Variants in TAB2 observed in about 807,000 individuals in gnomAD.
TAB2 encodes TGF-beta-activated kinase 1 and MAP3K7-binding protein 2.
TAB2 carries 3 observed loss-of-function variants against 65.0 expected under a neutral mutation model. The observed-to-expected ratio is 0.05, with a 90% CI of 0.02 to 0.12. The LOEUF is 0.12. Among genes scored for constraint, TAB2 ranks in the 10% least tolerant of loss-of-function variants. TAB2 has a pLI of 1.00. For missense variants in TAB2, 623 were observed against 840.3 expected (o/e 0.74, Z 3.20); for synonymous variants, 298 against 285.1 (o/e 1.05, Z -0.46).
At chr6:149,363,476 T>C (rs1348938865) in intron 1 of TAB2, among the ~76,000 whole-genome samples, 1 of 152,170 alleles carries the variant, frequency 6.6e-6, no homozygotes, top group Non-Finnish European at 1.5e-5. Context: ...TTAAACTGTT[T>C]ACATGTTTTC....
rs574373908 is a variant in TAB2 at position 149,341,140 on chromosome 6, GTGT to G, written c.-90+23128_-90+23130del. ...TATATATAACTTTTTAACAAGAGAT[GTGT>G]TGACAGAAGTATTTTATACTTTACT... is the stretch of plus-strand genomic sequence containing the variant. On this transcript the variant is annotated intron_variant, in intron 1 of 6. Transcript: ENST00000637181. 2.0e-3 allele frequency among the ~76,000 whole-genome samples: 301 copies of G among 152,168 alleles called. 2 individuals carry two copies. Among genetic ancestry groups the G allele is most frequent in the African/African-American group, 6.9e-3 (287 of 41,546 alleles).
chr6:149,378,618 T>A lies in TAB2; in HGVS notation c.703T>A (p.Trp235Arg), dbSNP rs1431545545. ...TTRQTQQHSGWVSQFNPMNPQ... is the reference protein window; with the variant it reads ...TTRQTQQHSGRVSQFNPMNPQ... ...TCGACAGACACAACAGCATTCTGGC[T>A]GGGTATCTCAGTTTAATCCCATGAA... is the stretch of plus-strand genomic sequence containing the variant. Residue 235 changes from tryptophan to arginine, a missense_variant, in exon 3 of 7, where the codon TGG (tryptophan) becomes AGG (arginine). This residue lies in a region of TAB2 where 550 missense variants were observed against 665.7 expected (regional missense o/e 0.83). Transcript: ENST00000637181. The A allele has an allele frequency of 6.2e-7, 1 of 1,613,462 alleles. No homozygotes were observed. Among genetic ancestry groups the A allele is most frequent in the Admixed American group, 1.7e-5 (1 of 60,024 alleles).
intron 1 of TAB2, among the ~76,000 whole-genome samples, chr6:149,226,572 T>A (rs1270733824): frequency 3.3e-5 from 5 of 152,234 alleles, no homozygotes; most frequent in Non-Finnish European, 7.3e-5. Context: ...AACTGTTTTA[T>A]CTTAACTGAG....
chr6:149,230,654 A>G (rs1777385004), intron 1 of TAB2, among the ~76,000 whole-genome samples: 1 of 152,190 alleles, frequency 6.6e-6, no homozygotes. Flanking sequence ...CTTGATAATA[A>G]GCTCATTGAC....
At chr6:149,279,569 G>C (rs1002309508) in intron 1 of TAB2, among the ~76,000 whole-genome samples, 3 of 152,178 alleles carry the variant, frequency 2.0e-5, no homozygotes, top group Non-Finnish European at 2.9e-5. Flanking sequence ...GGCATCTAGA[G>C]GGTGGAGACC....
intron 1 of TAB2, among the ~76,000 whole-genome samples, chr6:149,263,980 C>G (rs2114669694): frequency 6.6e-6 from 1 of 152,314 alleles, no homozygotes; most frequent in South Asian, 2.1e-4. Context: ...CCTGCCAGCT[C>G]CCAGGGAGGA....
intron 6 of TAB2, among the ~76,000 whole-genome samples, chr6:149,408,074 A>C (rs1396173982): frequency 6.6e-6 from 1 of 152,186 alleles, no homozygotes; most frequent in Non-Finnish European, 1.5e-5. Context: ...AGTAAGTAGG[A>C]TGGATCCCCA....
At chr6:149,281,363 C>T (rs1329179559) in intron 1 of TAB2, among the ~76,000 whole-genome samples, 1 of 151,858 alleles carries the variant, frequency 6.6e-6, no homozygotes, top group African/African-American at 2.4e-5. Flanking sequence ...AAAGCAACCA[C>T]TATAATAACA....
At chr6:149,369,841 T>A in intron 1 of TAB2, 68 bp from the exon 2 acceptor site, 1 of 658,498 alleles carries the variant, frequency 1.5e-6, no homozygotes, top group Non-Finnish European at 2.7e-6. Flanking sequence ...TGTACTGAAA[T>A]TTTAAATCCA....
rs1779300851 is a variant in TAB2 at position 149,317,834 on chromosome 6, A to AGCGGGGAGGGAGG, written c.-270_-269insCGGGGAGGGAGGG. Reference sequence around the variant, plus strand: ...GGAGTTGGCGGCGGCGGGCGAGCGGAGGGGGCTGAGCGGGGAGGGAGGGAG... The same window carrying AGCGGGGAGGGAGG: ...GGAGTTGGCGGCGGCGGGCGAGCGGAGCGGGGAGGGAGGGGGGGCTGAGCGGGGAGGGAGGGAG... On this transcript the variant is annotated 5_prime_UTR_variant, in exon 1 of 7. Transcript: ENST00000637181. The surrounding 1 kb of genome is among the most constrained non-coding windows in gnomAD (Gnocchi z 4.7). 1 of 153,666 alleles carries AGCGGGGAGGGAGG rather than the reference A, an allele frequency of 6.5e-6. No homozygotes were observed. Among genetic ancestry groups the AGCGGGGAGGGAGG allele is most frequent in the African/African-American group, 2.6e-5 (1 of 38,428 alleles). The allele number at this position is 153,666 out of a possible 1,614,324, so 9.5% of individuals were successfully genotyped here. A position where few individuals can be genotyped will look rare whatever the true frequency, so the allele number is the denominator to read the frequency against.
intron 1 of TAB2, among the ~76,000 whole-genome samples, chr6:149,260,831 T>A (rs941159462): frequency 1.3e-5 from 2 of 152,236 alleles, no homozygotes; most frequent in Admixed American, 1.3e-4. Flanking sequence ...AGTTATGAAC[T>A]TTATGTATGC....
At chr6:149,259,400 C>A (rs1778107429) in intron 1 of TAB2, among the ~76,000 whole-genome samples, 1 of 150,694 alleles carries the variant, frequency 6.6e-6, no homozygotes. Flanking sequence ...GAGGGCTCTG[C>A]AAAGCCTAGG....
At chr6:149,223,736 A>G (rs1038660401) in intron 1 of TAB2, among the ~76,000 whole-genome samples, 3 of 152,142 alleles carry the variant, frequency 2.0e-5, no homozygotes, top group African/African-American at 7.2e-5. Context: ...TGATTTAGTG[A>G]TGCTTTCAAT....
At chr6:149,347,101 G>C (rs1234993308) in intron 1 of TAB2, 1 of 152,186 alleles carries the variant, frequency 6.6e-6, no homozygotes, top group African/African-American at 2.4e-5. Context: ...ACAAAAGGTA[G>C]TTATATAATA....
intron 3 of TAB2, among the ~76,000 whole-genome samples, chr6:149,390,918 C>CT (rs1781962736): frequency 6.6e-6 from 1 of 152,068 alleles, no homozygotes; most frequent in Admixed American, 6.6e-5. Flanking sequence ...TTATCATATC[C>CT]TTTCAGCATC....
intron 1 of TAB2, among the ~76,000 whole-genome samples, chr6:149,332,021 C>T (rs1242959062): frequency 6.6e-6 from 1 of 152,130 alleles, no homozygotes; most frequent in Non-Finnish European, 1.5e-5. Context: ...GAAGGAATTG[C>T]TGATGAATTG....
At chr6:149,285,498 C>CCTA (rs1370514549) in intron 1 of TAB2, among the ~76,000 whole-genome samples, 1 of 152,164 alleles carries the variant, frequency 6.6e-6, no homozygotes, top group Non-Finnish European at 1.5e-5. Flanking sequence ...ACTTGTTGCC[C>CCTA]CTACTGACTG....
chr6:149,348,291 G>A (rs473864), intron 1 of TAB2, among the ~76,000 whole-genome samples: 134,896 of 152,034 alleles, frequency 0.89, 59,846 homozygotes, highest in Middle Eastern at 0.97. Flanking sequence ...AAGGAAGCTG[G>A]GGAGGGAAGA....
At chr6:149,356,325 G>A (rs1332777041) in intron 1 of TAB2, among the ~76,000 whole-genome samples, 1 of 152,162 alleles carries the variant, frequency 6.6e-6, no homozygotes, top group Non-Finnish European at 1.5e-5. Context: ...TTTTATACAC[G>A]TAGATGTGGA....
Sources: allele counts gnomAD v4.1 joint callset (sites outside exome capture counted in the v4.1 genomes callset), GRCh38; gene constraint gnomAD v4.1.1; regional missense constraint gnomAD v4.1.1; non-coding constraint Gnocchi (gnomAD v3.1); transcripts MANE v1.5; gene names NCBI Gene and HGNC (gene_info 2026-07-23, HGNC 2026-07-21).